The following WDFY4 variants were observed in gnomAD, a reference collection of about 807,000 sequenced individuals.
WDFY4 encodes the protein WD repeat- and FYVE domain-containing protein 4.
WDFY4 carries 169 observed loss-of-function variants against 351.9 expected under a neutral mutation model. The ratio of observed to expected loss-of-function variants is 0.48; its 90% CI spans 0.42 to 0.55. The LOEUF is 0.55. Ranked by LOEUF, WDFY4 falls within the 20% of genes least tolerant of loss-of-function variation. The pLI is 0.00. For synonymous variants in WDFY4, 1,622 were observed against 1,574.6 expected, an observed-to-expected ratio of 1.03 and a Z score of -0.71; for missense variants, 3,803 against 3,935.6, an observed-to-expected ratio of 0.97 and a Z score of 0.90.
At chr10:48,788,042 T>C (rs1034790865) in intron 20 of WDFY4, among the ~76,000 whole-genome samples, 3 of 148,410 alleles carry the variant, frequency 2.0e-5, no homozygotes, top group Admixed American at 1.4e-4. Context: ...TTCCTTCTTC[T>C]TCTTCGACAG....
chr10:48,940,325 A>T (rs988465129), intron 47 of WDFY4, among the ~76,000 whole-genome samples: 1 of 152,250 alleles, frequency 6.6e-6, no homozygotes, highest in African/African-American at 2.4e-5. Context: ...GCTTGCTTGG[A>T]TACATGGCCC....
At chr10:48,697,960 C>T (rs907474933) in intron 1 of WDFY4, among the ~76,000 whole-genome samples, 3 of 152,194 alleles carry the variant, frequency 2.0e-5, no homozygotes, top group African/African-American at 7.2e-5. Flanking sequence ...AGTAGCCCTT[C>T]CATCCCCACG....
At chr10:48,717,455 T>C (rs1193294123) in intron 2 of WDFY4, among the ~76,000 whole-genome samples, 2 of 152,198 alleles carry the variant, frequency 1.3e-5, no homozygotes, top group African/African-American at 4.8e-5. Context: ...CACAAACCAG[T>C]ATATAATAAA....
intron 9 of WDFY4, 113 bp from the exon 10 acceptor site, chr10:48,733,818 G>A (rs1008611939): frequency 6.5e-6 from 6 of 929,082 alleles, no homozygotes; most frequent in Non-Finnish European, 9.9e-6. Flanking sequence ...ACTCCCTTAT[G>A]ATGAAAGCAT....
chr10:48,945,666 T>A (rs114271766), intron 49 of WDFY4, among the ~76,000 whole-genome samples: 2,707 of 152,312 alleles, frequency 0.018, 85 homozygotes, highest in African/African-American at 0.062. Context: ...TAAAATCAGT[T>A]TGATTCTAAG....
At chr10:48,911,978 C>T (rs1343796602) in intron 47 of WDFY4, among the ~76,000 whole-genome samples, 3 of 152,262 alleles carry the variant, frequency 2.0e-5, no homozygotes, top group African/African-American at 7.2e-5. Context: ...AAGTTAATAC[C>T]ACTTCACTGA....
At chr10:48,889,927 G>A (rs1356154163) in intron 43 of WDFY4, among the ~76,000 whole-genome samples, 5 of 152,232 alleles carry the variant, frequency 3.3e-5, no homozygotes, top group Non-Finnish European at 7.3e-5. Flanking sequence ...GTTGGGTACA[G>A]ACTGCCCCTG....
At chr10:48,774,912 G>A (rs1054642592) in intron 14 of WDFY4, among the ~76,000 whole-genome samples, 32 of 152,286 alleles carry the variant, frequency 2.1e-4, no homozygotes, top group African/African-American at 7.5e-4. Context: ...GGGGCTCCAA[G>A]GAAGTGGAGC....
rs117347564 is a variant in WDFY4 at position 48,894,562 on chromosome 10, A to G, written c.7317-2892A>G. Among the ~76,000 whole-genome samples, 1,350 of 152,392 alleles carry G rather than the reference A, an allele frequency of 8.9e-3. 2 individuals are homozygous for G. Among genetic ancestry groups the G allele is most frequent in the Non-Finnish European group, 0.014 (942 of 68,040 alleles). The stretch of plus-strand genomic sequence containing the variant: ...GGTTTCCTTATGAGGATCCAATTAA[A>G]TAATGAATAGGGAAATGCTTGGCAG... On this transcript the variant is annotated intron_variant, in intron 44 of 61. Coordinates refer to ENST00000325239, the MANE Select transcript of WDFY4 (RefSeq NM_001394531.1).
chr10:48,892,321 A>T lies in WDFY4; in HGVS notation c.7316+1594A>T, dbSNP rs368083876. On this transcript the variant is annotated intron_variant, in intron 44 of 61. Transcript: ENST00000325239. The stretch of plus-strand genomic sequence containing the variant: ...CAAATTCACTATATCTGCACTTTTA[A>T]TAGAAGCCCAGTGGTCAGATTTTAT... 2.0e-4 allele frequency among the ~76,000 whole-genome samples: 30 copies of T among 152,340 alleles called. No individual in the cohort carries two copies. In the East Asian group the frequency reaches 5.0e-3, roughly 25 times the overall value.
At chr10:48,776,581 G>C (rs2066037085) in intron 15 of WDFY4, among the ~76,000 whole-genome samples, 169 bp from the exon 16 acceptor site, 1 of 152,236 alleles carries the variant, frequency 6.6e-6, no homozygotes, top group Non-Finnish European at 1.5e-5. Context: ...ACTCAGCAGG[G>C]GGCCCGGGCT....
chr10:48,970,292 A>T lies in WDFY4; in HGVS notation c.8928+3A>T. 1 of 1,550,044 alleles carries T rather than the reference A, an allele frequency of 6.5e-7. No individual in the cohort carries two copies. The highest frequency in any genetic ancestry group is 8.7e-7 in the Non-Finnish European group (1 of 1,146,958). On this transcript the variant is annotated splice_donor_region_variant and intron_variant, in intron 57 of 61. Transcript: ENST00000325239. ...CGAGGGGCTTGCGCCTCCGGCAGGTATGGTCCAGCTCGTGCAGGTGCGGTC... is the reference window on the plus strand; with the variant it reads ...CGAGGGGCTTGCGCCTCCGGCAGGTTTGGTCCAGCTCGTGCAGGTGCGGTC...
chr10:48,943,157 A>G (rs1840866671), intron 48 of WDFY4, among the ~76,000 whole-genome samples, 173 bp from the exon 49 acceptor site: 1 of 151,270 alleles, frequency 6.6e-6, no homozygotes, highest in Non-Finnish European at 1.5e-5. Flanking sequence ...CTCCGTTCAT[A>G]CTGAAATTTG....
chr10:48,799,195 C>T (rs2066973644), intron 24 of WDFY4, among the ~76,000 whole-genome samples: 2 of 151,906 alleles, frequency 1.3e-5, no homozygotes, highest in Admixed American at 1.3e-4. Flanking sequence ...AATAAAACTA[C>T]CCTCTTCAGG....
At chr10:48,877,004 A>G in intron 42 of WDFY4, 29 bp from the exon 43 acceptor site, 1 of 1,444,552 alleles carries the variant, frequency 6.9e-7, no homozygotes, top group Non-Finnish European at 9.1e-7. Context: ...GCTCCTGTCA[A>G]CACCACGTGT....
At chr10:48,920,751 T>C (rs1033273017) in intron 47 of WDFY4, among the ~76,000 whole-genome samples, 10 of 152,156 alleles carry the variant, frequency 6.6e-5, no homozygotes, top group Non-Finnish European at 1.3e-4. Context: ...ACTGTCCACA[T>C]AGAGAATCCC....
intron 25 of WDFY4, 118 bp downstream of exon 25, chr10:48,803,477 G>C: frequency 1.0e-6 from 1 of 970,392 alleles, no homozygotes; most frequent in Non-Finnish European, 1.5e-6. Flanking sequence ...CCCCAAATGG[G>C]AGCACATCCT....
chr10:48,707,875 C>T (rs1398976449), intron 1 of WDFY4, among the ~76,000 whole-genome samples: 3 of 152,114 alleles, frequency 2.0e-5, no homozygotes, highest in East Asian at 3.9e-4. Context: ...CCACCCAGAT[C>T]AGGGAAAAGG....
chr10:48,767,292 C>T (rs1185972686), intron 13 of WDFY4, among the ~76,000 whole-genome samples: 1 of 152,208 alleles, frequency 6.6e-6, no homozygotes. Flanking sequence ...AGTACAGTTC[C>T]TGCCCTGTGT....
Sources: gnomAD v4.1 joint callset for allele counts (sites outside exome capture counted in the v4.1 genomes callset) on GRCh38, gnomAD v4.1.1 for gene constraint, MANE v1.5 for transcripts, NCBI Gene and HGNC (gene_info 2026-07-23, HGNC 2026-07-21) for gene names.